TENM2: variants seen among roughly 807,000 people sequenced by gnomAD.
TENM2 encodes the protein teneurin-2.
TENM2 carries 52 observed loss-of-function variants against 245.2 expected under a neutral mutation model. The observed-to-expected ratio is 0.21, with a 90% confidence interval of 0.17 to 0.27. The LOEUF is 0.27. TENM2 is among the 10% of genes least tolerant of loss of function. The pLI is 1.00. For missense variants in TENM2, 3,046 were observed against 3,666.8 expected (o/e 0.83, Z 4.37); for synonymous variants, 1,363 against 1,438.9 (o/e 0.95, Z 1.19).
chr5:168,121,534 T>G (rs1795465546), intron 10 of TENM2, among the ~76,000 whole-genome samples: 1 of 152,226 alleles, frequency 6.6e-6, no homozygotes, highest in South Asian at 2.1e-4. Context: ...TTAGATACAA[T>G]AAATGGTTTT....
chr5:168,063,928 A>G (rs17069767), intron 7 of TENM2, among the ~76,000 whole-genome samples: 14,226 of 152,084 alleles, frequency 0.094, 763 homozygotes, highest in East Asian at 0.19. Flanking sequence ...TATAGGGACC[A>G]ATATGTAATG....
intron 2 of TENM2, among the ~76,000 whole-genome samples, chr5:167,412,070 A>T (rs1762939239): frequency 6.6e-6 from 1 of 152,080 alleles, no homozygotes; most frequent in Non-Finnish European, 1.5e-5. Flanking sequence ...GTACAGTGGG[A>T]TTTAAGGGTT....
At chr5:167,802,392 G>A (rs935518150) in intron 2 of TENM2, among the ~76,000 whole-genome samples, 43 of 152,058 alleles carry the variant, frequency 2.8e-4, no homozygotes, top group African/African-American at 8.2e-4. Context: ...TGACTCAGCC[G>A]TAATAGTACA....
chr5:167,480,375 T>C (rs923618434), intron 2 of TENM2, among the ~76,000 whole-genome samples: 2 of 152,224 alleles, frequency 1.3e-5, no homozygotes, highest in Non-Finnish European at 2.9e-5. Context: ...AAATTATTTC[T>C]CCAAGTATTC....
chr5:167,973,028 A>T (rs573350688), intron 4 of TENM2, among the ~76,000 whole-genome samples: 1 of 152,126 alleles, frequency 6.6e-6, no homozygotes, highest in Non-Finnish European at 1.5e-5. Context: ...TTATTTGGCA[A>T]TGTTTGAGTT....
At chr5:167,347,358 C>T (rs571336148) in intron 1 of TENM2, among the ~76,000 whole-genome samples, 3 of 152,122 alleles carry the variant, frequency 2.0e-5, no homozygotes, top group Non-Finnish European at 4.4e-5. Context: ...CAGTCAGTGC[C>T]TCTGCTTGCA....
chr5:167,138,777 C>A, the TENM2 span, among the ~76,000 whole-genome samples: 2 of 152,118 alleles, frequency 1.3e-5, no homozygotes, highest in Non-Finnish European at 1.5e-5. Context: ...CACCTGCCAC[C>A]ATGCCTGGCT....
the TENM2 span, among the ~76,000 whole-genome samples, chr5:167,143,417 C>A: frequency 6.6e-6 from 1 of 152,104 alleles, no homozygotes; most frequent in African/African-American, 2.4e-5. Context: ...TGTATTTTAT[C>A]TTCTTTATTA....
At chr5:167,469,933 A>T (rs1227584760) in intron 2 of TENM2, among the ~76,000 whole-genome samples, 4 of 152,156 alleles carry the variant, frequency 2.6e-5, no homozygotes, top group Non-Finnish European at 5.9e-5. Flanking sequence ...TTACCATGTT[A>T]GTAGTGTCCA....
At chr5:167,208,064 T>C in the TENM2 span, among the ~76,000 whole-genome samples, 1 of 152,302 alleles carries the variant, frequency 6.6e-6, no homozygotes, top group South Asian at 2.1e-4. Flanking sequence ...TACTGAGGTA[T>C]ATTCTTATTG....
the TENM2 span, among the ~76,000 whole-genome samples, chr5:167,051,221 A>G: frequency 2.5e-5 from 3 of 120,190 alleles, no homozygotes; most frequent in Admixed American, 7.7e-5. Flanking sequence ...GGGGTGAAAG[A>G]AAAAAAAAAA....
chr5:167,133,371 A>G, the TENM2 span, among the ~76,000 whole-genome samples: 1 of 152,206 alleles, frequency 6.6e-6, no homozygotes, highest in Non-Finnish European at 1.5e-5. Flanking sequence ...GGCATTGCTC[A>G]GTCTTGCCCC....
At chr5:167,753,688 C>T (rs1185408328) in intron 2 of TENM2, among the ~76,000 whole-genome samples, 1 of 152,194 alleles carries the variant, frequency 6.6e-6, no homozygotes, top group Non-Finnish European at 1.5e-5. Flanking sequence ...GGGATTTGAA[C>T]TCATGAATGT....
At chr5:167,086,562 G>A in the TENM2 span, among the ~76,000 whole-genome samples, 1 of 152,078 alleles carries the variant, frequency 6.6e-6, no homozygotes, top group Non-Finnish European at 1.5e-5. Context: ...GCTAAGTGCT[G>A]GAGTTTTCAT....
chr5:167,101,849 T>TTATATATATATTTATA, the TENM2 span, among the ~76,000 whole-genome samples: 1 of 69,456 alleles, frequency 1.4e-5, no homozygotes, highest in Non-Finnish European at 2.6e-5. Flanking sequence ...ATATATATAT[T>TTATATATATATTTATA]TATATATATA....
the TENM2 span, among the ~76,000 whole-genome samples, chr5:167,071,878 G>GCCCCCCCCCCCCCCCCCCCCCACCCC: frequency 8.1e-6 from 1 of 124,026 alleles, no homozygotes; most frequent in African/African-American, 2.9e-5. Flanking sequence ...TTGACAAATC[G>GCCCCCCCCCCCCCCCCCCCCCACCCC]CCCCCCCCCG....
chr5:167,456,726 A>G (rs1191652003), intron 2 of TENM2, among the ~76,000 whole-genome samples: 1 of 152,218 alleles, frequency 6.6e-6, no homozygotes, highest in Non-Finnish European at 1.5e-5. Context: ...GACTTAATAT[A>G]AAAAGCATCA....
intron 2 of TENM2, among the ~76,000 whole-genome samples, chr5:167,580,983 T>A (rs953310268): frequency 2.0e-5 from 3 of 152,110 alleles, no homozygotes; most frequent in African/African-American, 7.2e-5. Context: ...AGCGAAACCT[T>A]GTCTCAAAAA....
chr5:168,185,452 G>GATC (rs1412264854), intron 13 of TENM2, among the ~76,000 whole-genome samples: 2 of 151,992 alleles, frequency 1.3e-5, no homozygotes, highest in Admixed American at 6.6e-5. Context: ...CTACCATCGT[G>GATC]ATCATCATCA....
Sources: allele counts gnomAD v4.1 joint callset (sites outside exome capture counted in the v4.1 genomes callset), GRCh38; gene constraint gnomAD v4.1.1; transcripts MANE v1.5; gene names NCBI Gene and HGNC (gene_info 2026-07-23, HGNC 2026-07-21).